RAB3C: variants seen among roughly 807,000 people sequenced by gnomAD.
RAB3C encodes RAB3C, member RAS oncogene family.
In RAB3C, 17 loss-of-function variants were observed where a neutral mutation model predicts 26.4. That is an observed-to-expected ratio of 0.64 (90% CI 0.44 to 0.97). The LOEUF (loss-of-function observed/expected upper bound fraction) is 0.97. RAB3C is among the 50% of genes least tolerant of loss of function. RAB3C has a pLI of 0.00. For missense variants in RAB3C, 242 were observed against 281.9 expected, an observed-to-expected ratio of 0.86 and a Z score of 1.01; for synonymous variants, 91 against 95.9, an observed-to-expected ratio of 0.95 and a Z score of 0.30.
At chr5:58,612,501 T>TGC (rs1746726287) in intron 1 of RAB3C, among the ~76,000 whole-genome samples, 1 of 56,648 alleles carries the variant, frequency 1.8e-5, no homozygotes, top group Non-Finnish European at 3.1e-5. Context: ...TGTGTGTGTG[T>TGC]GTGTGTGTGT....
chr5:58,703,271 C>T (rs1230631463), intron 2 of RAB3C, among the ~76,000 whole-genome samples: 1 of 150,860 alleles, frequency 6.6e-6, no homozygotes, highest in East Asian at 2.0e-4. Context: ...CAAACTCTGC[C>T]TCCTGGATTC....
At chr5:58,796,012 A>T (rs1326151169) in intron 3 of RAB3C, among the ~76,000 whole-genome samples, 2 of 152,082 alleles carry the variant, frequency 1.3e-5, no homozygotes, top group Non-Finnish European at 2.9e-5. Context: ...CAGGAAAATT[A>T]CTCCTCTCAG....
At chr5:58,797,363 T>TAC (rs1742690095) in intron 3 of RAB3C, among the ~76,000 whole-genome samples, 1 of 22,962 alleles carries the variant, frequency 4.4e-5, no homozygotes, top group Admixed American at 4.8e-4. Context: ...AATATGTATA[T>TAC]ATATAATATA....
rs869039335 is a variant in RAB3C, at chr5:58,813,592, TTATATA to T, written c.372-11409_372-11404del. Among the ~76,000 whole-genome samples, 406 of 47,748 alleles carry T rather than the reference TTATATA, an allele frequency of 8.5e-3. 1 individual carries two copies. The highest frequency in any genetic ancestry group is 0.027 in the South Asian group (36 of 1,334). 31.3% of individuals were successfully genotyped at this position (47,748 alleles called of 152,430 possible). ...TGTTATGGTTAATTTATATTTATAT[TTATATA>T]TATATATATATATATATATATATAT... On this transcript the variant is annotated intron_variant, in intron 3 of 4. Transcript: ENST00000282878.
At chr5:58,692,113 A>C (rs1748581977) in intron 2 of RAB3C, among the ~76,000 whole-genome samples, 1 of 152,244 alleles carries the variant, frequency 6.6e-6, no homozygotes, top group South Asian at 2.1e-4. Context: ...TGGACACTTA[A>C]AATCTGAAAG....
At chr5:58,734,059 T>C (rs1318846865) in intron 3 of RAB3C, among the ~76,000 whole-genome samples, 1 of 152,194 alleles carries the variant, frequency 6.6e-6, no homozygotes, top group Admixed American at 6.6e-5. Flanking sequence ...AGCAGATTGA[T>C]ATTTTTTAAG....
intron 2 of RAB3C, among the ~76,000 whole-genome samples, chr5:58,702,859 A>G (rs1311439275): frequency 6.6e-6 from 1 of 152,204 alleles, no homozygotes; most frequent in African/African-American, 2.4e-5. Context: ...TTTGATATCT[A>G]AATCTACACA....
At chr5:58,833,702 A>T (rs1339726487) in intron 4 of RAB3C, among the ~76,000 whole-genome samples, 1 of 152,236 alleles carries the variant, frequency 6.6e-6, no homozygotes, top group African/African-American at 2.4e-5. Context: ...GATAGTGGAG[A>T]TACTTAGGTG....
intron 2 of RAB3C, among the ~76,000 whole-genome samples, chr5:58,681,974 G>A (rs920919578): frequency 6.6e-6 from 1 of 152,246 alleles, no homozygotes; most frequent in Non-Finnish European, 1.5e-5. Flanking sequence ...CAGCTGATTT[G>A]CTGTGGGTCG....
intron 2 of RAB3C, among the ~76,000 whole-genome samples, chr5:58,643,454 T>C (rs1473494483): frequency 6.6e-6 from 1 of 152,224 alleles, no homozygotes; most frequent in Non-Finnish European, 1.5e-5. Context: ...CCTAGTAAAC[T>C]ATAACTTTTT....
At chr5:58,588,566 G>A (rs1337808338) in intron 1 of RAB3C, among the ~76,000 whole-genome samples, 1 of 151,950 alleles carries the variant, frequency 6.6e-6, no homozygotes, top group Non-Finnish European at 1.5e-5. Context: ...TTATTGTTTA[G>A]TTGCAAGAGA....
Position 58,853,667 on chromosome 5 carries a change from A to C in RAB3C, c.*2316A>C, listed in dbSNP as rs1299315319. 1 of 152,220 alleles carries C rather than the reference A, an allele frequency of 6.6e-6. No homozygotes were observed. Among genetic ancestry groups the C allele is most frequent in the African/African-American group, 2.4e-5 (1 of 41,472 alleles). The allele number at this position is 152,220 out of a possible 1,614,324, so 9.4% of individuals were successfully genotyped here. A position where few individuals can be genotyped will look rare whatever the true frequency, so the allele number is the denominator to read the frequency against. ...TCCCGAAGTGGAAACATTTTATGCCAGTCAGGGGAGAGACAGGCAACAATA... is the reference window on the plus strand; with the variant it reads ...TCCCGAAGTGGAAACATTTTATGCCCGTCAGGGGAGAGACAGGCAACAATA... On this transcript the variant is annotated 3_prime_UTR_variant, in exon 5 of 5. Coordinates refer to ENST00000282878, the MANE Select transcript of RAB3C (RefSeq NM_138453.4).
intron 2 of RAB3C, among the ~76,000 whole-genome samples, chr5:58,688,065 A>G (rs1045732868): frequency 1.3e-5 from 2 of 152,140 alleles, no homozygotes; most frequent in Admixed American, 6.6e-5. Flanking sequence ...GTTTGTTTCT[A>G]TATAATACCA....
rs189276125 is a variant in RAB3C, at chr5:58,761,855, T to C, written c.371+35735T>C. ...AATTTTGTATGAATTCCCAGGTACC[T>C]GCTCTTCAATTTATGATCATTCTTT... is the stretch of plus-strand genomic sequence containing the variant. On this transcript the variant is annotated intron_variant, in intron 3 of 4. Transcript: ENST00000282878. Among the ~76,000 whole-genome samples the C allele has an allele frequency of 5.9e-5, 9 of 152,348 alleles. 1 individual carries two copies. The highest frequency in any genetic ancestry group is 3.9e-4 in the Admixed American group (6 of 15,306).
intron 2 of RAB3C, among the ~76,000 whole-genome samples, chr5:58,676,389 G>A (rs959089097): frequency 3.3e-5 from 5 of 152,070 alleles, no homozygotes; most frequent in Admixed American, 2.6e-4. Context: ...TGTAATCCCA[G>A]CTATTTGGGA....
intron 2 of RAB3C, among the ~76,000 whole-genome samples, chr5:58,684,284 G>C (rs557415892): frequency 6.6e-6 from 1 of 152,310 alleles, no homozygotes; most frequent in African/African-American, 2.4e-5. Context: ...CCAGGGACTT[G>C]AGCCTGTACA....
chr5:58,677,467 A>G (rs989789450), intron 2 of RAB3C, among the ~76,000 whole-genome samples: 2 of 152,182 alleles, frequency 1.3e-5, no homozygotes, highest in Admixed American at 1.3e-4. Context: ...GTTCACCTGA[A>G]ATTTACTTGG....
chr5:58,701,482 T>G (rs765030669), intron 2 of RAB3C, among the ~76,000 whole-genome samples: 1 of 152,186 alleles, frequency 6.6e-6, no homozygotes, highest in Non-Finnish European at 1.5e-5. Context: ...GCTTCTAGCT[T>G]CCTGGTAGCA....
intron 1 of RAB3C, among the ~76,000 whole-genome samples, chr5:58,598,580 C>T (rs1746377438): frequency 1.3e-5 from 2 of 152,098 alleles, no homozygotes; most frequent in South Asian, 2.1e-4. Flanking sequence ...CAGTGTCAGG[C>T]AGTGTTCTAG....
Sources: allele counts gnomAD v4.1 joint callset (sites outside exome capture counted in the v4.1 genomes callset), GRCh38; gene constraint gnomAD v4.1.1; transcripts MANE v1.5; gene names NCBI Gene and HGNC (gene_info 2026-07-23, HGNC 2026-07-21).